Variants in OTUD5 observed in about 807,000 individuals in gnomAD.
OTUD5 encodes OTU domain-containing protein 5.
A neutral mutation model predicts 36.3 loss-of-function variants in OTUD5; 2 were observed. The observed-to-expected ratio is 0.06, with a 90% CI of 0.02 to 0.17. The LOEUF (loss-of-function observed/expected upper bound fraction) is 0.17, where lower values mean the gene tolerates loss of function less well. Ranked by LOEUF, OTUD5 falls within the 10% of genes least tolerant of loss-of-function variation. The probability of loss-of-function intolerance (pLI) is 1.00; values close to 1 mark genes in which losing one functional copy is unlikely to be tolerated. For missense variants in OTUD5, 233 were observed against 512.3 expected, an observed-to-expected ratio of 0.45 and a Z score of 5.26; for synonymous variants, 234 against 214.9, an observed-to-expected ratio of 1.09 and a Z score of -0.78.
chrX:48,929,772 CA>C (rs1313053790), intron 5 of OTUD5, among the ~76,000 whole-genome samples: 1 of 107,903 alleles, frequency 9.3e-6, no homozygotes, highest in Non-Finnish European at 1.9e-5. Context: ...GCATAGAATG[CA>C]AAAATGTGAC....
At chrX:48,957,612 C>T, upstream of OTUD5, 1 of 818,794 alleles carries the variant, frequency 1.2e-6, no homozygotes, top group Non-Finnish European at 1.5e-6. Flanking sequence ...CGGCGCGGGG[C>T]ACGCCGGGAG....
At chrX:48,925,053 C>T (rs1009891046) in intron 6 of OTUD5, among the ~76,000 whole-genome samples, 1 of 109,878 alleles carries the variant, frequency 9.1e-6, no homozygotes, top group Non-Finnish European at 1.9e-5. Flanking sequence ...CCGAGGTGGT[C>T]GGATCACGAG....
chrX:48,937,157 G>A (rs2063841051), intron 2 of OTUD5, among the ~76,000 whole-genome samples: 1 of 111,357 alleles, frequency 9.0e-6, no homozygotes, highest in African/African-American at 3.3e-5. Flanking sequence ...TGGGTTCTGC[G>A]GCCACACTCT....
chrX:48,946,941 G>A (rs1260653227), intron 1 of OTUD5, among the ~76,000 whole-genome samples: 1 of 112,561 alleles, frequency 8.9e-6, no homozygotes, highest in Non-Finnish European at 1.9e-5. Flanking sequence ...AAGATACTGG[G>A]CTGGGCAGTG....
At chrX:48,928,964 A>T (rs1003198611) in intron 5 of OTUD5, among the ~76,000 whole-genome samples, 34 of 111,407 alleles carry the variant, frequency 3.1e-4, no homozygotes, top group African/African-American at 1.1e-3. Flanking sequence ...CATATGGAGT[A>T]TGAGGAATTT....
chrX:48,934,743 T>C lies in OTUD5; in HGVS notation c.878A>G (p.Asn293Ser). ...IEMQAMAEMY[N>S]RPVEVYQYST... ...GTACTGGTACACCTCCACAGGACGG[T>C]TGTACATCTCTGCCATGGCCTGCAT... Residue 293 changes from asparagine (N) to serine (S), a missense_variant, in exon 4 of 9, where the codon AAC becomes AGC. Around this residue, in one of 3 missense-constraint regions of OTUD5, gnomAD observed 21 missense variants for 161.9 expected, o/e 0.13. Transcript: ENST00000376488. 1 of 1,210,280 alleles carries C rather than the reference T, an allele frequency of 8.3e-7. No individual in the cohort carries two copies. Among genetic ancestry groups the C allele is most frequent in the Non-Finnish European group, 1.1e-6 (1 of 894,486 alleles).
At chrX:48,924,836 T>C (rs1557047318) in intron 6 of OTUD5, among the ~76,000 whole-genome samples, 1 of 112,100 alleles carries the variant, frequency 8.9e-6, no homozygotes, top group African/African-American at 3.2e-5. Flanking sequence ...CCAACTAATT[T>C]ATTCATTATA....
chrX:48,939,004 G>A (rs1298932031), intron 2 of OTUD5, among the ~76,000 whole-genome samples: 3 of 111,866 alleles, frequency 2.7e-5, no homozygotes, highest in African/African-American at 9.8e-5. Context: ...CTCAAACAGG[G>A]CTCAGAAATC....
chrX:48,942,244 T>TACACACACACACACACACACAC (rs1188711919), intron 2 of OTUD5, among the ~76,000 whole-genome samples: 46 of 56,989 alleles, frequency 8.1e-4, no homozygotes, highest in African/African-American at 1.5e-3. Flanking sequence ...CACACACACA[T>TACACACACACACACACACACAC]ACACACACAC....
Position 48,957,007 on chromosome X carries a change from G to C in OTUD5, c.564C>G (p.Ile188Met). 1 of 1,195,452 alleles carries C rather than the reference G, an allele frequency of 8.4e-7. No individual in the cohort carries two copies. The highest frequency in any genetic ancestry group is 1.1e-6 in the Non-Finnish European group (1 of 888,230). ...CGACAGTGGCAGGGTCCATAGCCTC[G>C]ATGCGTGCTGCAGCCGCCTCATACT... ...EDEYEAAAAR[I>M]EAMDPATVEQ... Residue 188 changes from isoleucine (I) to methionine (M), a missense_variant, in exon 1 of 9, where the codon ATC becomes ATG. Physicochemically the swap from Ile to Met is conservative, Grantham distance 10 (BLOSUM62 1). Coordinates refer to ENST00000376488, the MANE Select transcript of OTUD5 (RefSeq NM_001136157.2).
intron 1 of OTUD5, among the ~76,000 whole-genome samples, chrX:48,951,775 A>T (rs1209586780): frequency 9.0e-6 from 1 of 111,626 alleles, no homozygotes; most frequent in Non-Finnish European, 1.9e-5. Context: ...TAAGATTGGC[A>T]GGGTGCGGTG....
intron 1 of OTUD5, among the ~76,000 whole-genome samples, chrX:48,944,667 T>C (rs2063991278): frequency 9.0e-6 from 1 of 111,338 alleles, no homozygotes; most frequent in African/African-American, 3.3e-5. Context: ...GGAAAGGTGG[T>C]GAAGAGGGGG....
intron 5 of OTUD5, among the ~76,000 whole-genome samples, chrX:48,933,418 T>C (rs1557049263): frequency 1.2e-4 from 1 of 8,428 alleles, no homozygotes; most frequent in East Asian, 0.33. Context: ...ATTTGTAACT[T>C]TTTTTTTTTT....
intron 2 of OTUD5, among the ~76,000 whole-genome samples, chrX:48,935,862 C>T (rs2063821369): frequency 9.7e-6 from 1 of 103,340 alleles, no homozygotes; most frequent in African/African-American, 3.6e-5. Context: ...TCGCTTGAAC[C>T]CAGGAGGCAG....
chrX:48,923,201 G>A lies in OTUD5; in HGVS notation c.1674C>T (p.His558=), dbSNP rs1427308279. 2.5e-6 allele frequency: 3 copies of A among 1,206,081 alleles called. No individual in the cohort carries two copies. The African/African-American group carries it at 5.3e-5, about 21-fold the overall frequency. The change falls in exon 9 of 9, where the codon CAC becomes CAT. Residue 558 remains histidine, a synonymous_variant. Coordinates refer to ENST00000376488, the MANE Select transcript of OTUD5 (RefSeq NM_001136157.2). Reference sequence around the variant, plus strand: ...AACTCTTGTCTGGGGGCGGGTCTCTGTGCACTTTGTTTTTCTTCATACTGT... The same window carrying A: ...AACTCTTGTCTGGGGGCGGGTCTCTATGCACTTTGTTTTTCTTCATACTGT... The part of the protein sequence containing the change: ...YLDSMKKNKV[H]RDPPPDKS
At chrX:48,957,804 G>A, upstream of OTUD5, 11 of 772,080 alleles carry the variant, frequency 1.4e-5, no homozygotes, top group Non-Finnish European at 1.7e-5. Context: ...AGTCCAAGAT[G>A]AAGGCAGTGC....
intron 1 of OTUD5, among the ~76,000 whole-genome samples, chrX:48,946,014 C>T (rs1487280461): frequency 9.0e-6 from 1 of 111,444 alleles, no homozygotes; most frequent in Non-Finnish European, 1.9e-5. Flanking sequence ...CCCAAGCCTG[C>T]TCCTTGTGGA....
intron 1 of OTUD5, among the ~76,000 whole-genome samples, chrX:48,951,988 G>A (rs971038712): frequency 1.8e-5 from 2 of 110,651 alleles, no homozygotes; most frequent in African/African-American, 3.3e-5. Context: ...CCCGGAAGCC[G>A]GAGGTTGCAG....
At chrX:48,941,421 A>T (rs2063918462) in intron 2 of OTUD5, among the ~76,000 whole-genome samples, 1 of 72,136 alleles carries the variant, frequency 1.4e-5, no homozygotes. Context: ...CGACAGAGGG[A>T]GACTCCATCT....
Sources: allele counts gnomAD v4.1 joint callset (sites outside exome capture counted in the v4.1 genomes callset), GRCh38; gene constraint gnomAD v4.1.1; regional missense constraint gnomAD v4.1.1; transcripts MANE v1.5; gene names NCBI Gene and HGNC (gene_info 2026-07-23, HGNC 2026-07-21).